RAB8B: variants seen among roughly 807,000 people sequenced by gnomAD.
RAB8B encodes the protein RAB8B, member RAS oncogene family.
In RAB8B, 11 loss-of-function variants were observed where a neutral mutation model predicts 32.0. The observed-to-expected ratio is 0.34, with a 90% CI of 0.22 to 0.57. The LOEUF is 0.57. RAB8B is among the 20% of genes least tolerant of loss of function. RAB8B has a pLI of 0.86. For missense variants in RAB8B, 190 were observed against 258.5 expected (o/e 0.73, Z 1.82); for synonymous variants, 103 against 89.6 (o/e 1.15, Z -0.85).
intron 1 of RAB8B, among the ~76,000 whole-genome samples, chr15:63,235,068 T>C (rs1567016642): frequency 2.0e-5 from 3 of 152,188 alleles, no homozygotes; most frequent in Non-Finnish European, 4.4e-5. Context: ...GATCCAGTAT[T>C]AGTTACCTGG....
intron 3 of RAB8B, among the ~76,000 whole-genome samples, chr15:63,252,661 CTT>C (rs1229645398): frequency 6.6e-6 from 1 of 151,936 alleles, no homozygotes; most frequent in Admixed American, 6.6e-5. Flanking sequence ...GCAGAATCCA[CTT>C]TGAATTGTTT....
At chr15:63,229,723 G>T (rs2037918722) in intron 1 of RAB8B, among the ~76,000 whole-genome samples, 3 of 138,522 alleles carry the variant, frequency 2.2e-5, no homozygotes, top group Admixed American at 7.6e-5. Context: ...AGAGGTTGCA[G>T]TGAGCCGAGA....
intron 1 of RAB8B, among the ~76,000 whole-genome samples, chr15:63,219,018 T>A (rs2037818882): frequency 1.4e-5 from 2 of 144,198 alleles, no homozygotes; most frequent in Admixed American, 6.9e-5. Flanking sequence ...TTTTTTTTTT[T>A]TTTTTTTTTT....
At chr15:63,229,270 C>T (rs76833111) in intron 1 of RAB8B, among the ~76,000 whole-genome samples, 2,830 of 152,278 alleles carry the variant, frequency 0.019, 36 homozygotes, top group Middle Eastern at 0.045. Context: ...CTTTTGGTTG[C>T]TCACTCCCAG....
chr15:63,236,613 TA>T lies in RAB8B; in HGVS notation c.125-8134del, dbSNP rs199538840. On this transcript the variant is annotated intron_variant, in intron 1 of 7. Coordinates refer to ENST00000321437, the MANE Select transcript of RAB8B (RefSeq NM_016530.3). ...GACTTTTGAAATACAAAAAGTCTTTTAAAAAAAAATTGTGGGTACATAGTAG... is the reference window on the plus strand; with the variant it reads ...GACTTTTGAAATACAAAAAGTCTTTTAAAAAAAATTGTGGGTACATAGTAG... Among the ~76,000 whole-genome samples, 509 of 151,650 alleles carry T rather than the reference TA, an allele frequency of 3.4e-3. 6 individuals are homozygous for T. The highest frequency in any genetic ancestry group is 0.016 in the East Asian group (85 of 5,156).
chr15:63,211,401 AC>A (rs1439906866), intron 1 of RAB8B, among the ~76,000 whole-genome samples: 1 of 152,144 alleles, frequency 6.6e-6, no homozygotes, highest in African/African-American at 2.4e-5. Context: ...ACTGTGTTCT[AC>A]CCCAGACTAT....
At chr15:63,229,830 A>G (rs141303809) in intron 1 of RAB8B, among the ~76,000 whole-genome samples, 2 of 151,168 alleles carry the variant, frequency 1.3e-5, no homozygotes, top group African/African-American at 2.4e-5. Flanking sequence ...CCAAGGAAGT[A>G]ATAGAGGACA....
At chr15:63,193,537 C>T (rs976817350) in intron 1 of RAB8B, among the ~76,000 whole-genome samples, 3 of 152,138 alleles carry the variant, frequency 2.0e-5, no homozygotes, top group Non-Finnish European at 2.9e-5. Flanking sequence ...ATTGGCCAAG[C>T]GCAGTGGCTC....
At chr15:63,230,797 A>G (rs1455713752) in intron 1 of RAB8B, among the ~76,000 whole-genome samples, 1 of 152,114 alleles carries the variant, frequency 6.6e-6, no homozygotes, top group Non-Finnish European at 1.5e-5. Context: ...CTAGGCTCAA[A>G]TGATCCTCCT....
At chr15:63,223,058 G>A in intron 1 of RAB8B, 1 of 455,902 alleles carries the variant, frequency 2.2e-6, no homozygotes, top group South Asian at 1.5e-5. Flanking sequence ...TTCCAGTCCT[G>A]TAAGCGCCTT....
At chr15:63,192,344 T>A (rs972868772) in intron 1 of RAB8B, among the ~76,000 whole-genome samples, 3 of 152,162 alleles carry the variant, frequency 2.0e-5, no homozygotes, top group Non-Finnish European at 2.9e-5. Context: ...AGATTTTGAG[T>A]GTTGACATCT....
chr15:63,202,804 A>G (rs1199042210), intron 1 of RAB8B, among the ~76,000 whole-genome samples: 1 of 152,198 alleles, frequency 6.6e-6, no homozygotes, highest in East Asian at 1.9e-4. Context: ...TTCCTCGCAG[A>G]CACAGTAGCA....
rs2038224526 is a variant in RAB8B, at chr15:63,264,252, G to A, written c.*633G>A. 1 of 152,056 alleles carries A rather than the reference G, an allele frequency of 6.6e-6. No individual in the cohort carries two copies. The highest frequency in any genetic ancestry group is 6.5e-5 in the Admixed American group (1 of 15,268). 9.4% of individuals were successfully genotyped at this position (152,056 alleles called of 1,614,324 possible). On this transcript the variant is annotated 3_prime_UTR_variant, in exon 8 of 8. Transcript: ENST00000321437. ...TCCCCGACCTGTTTTCCAGAGTCTG[G>A]GTAGCTGAATGAATCACTTTAAAAT...
intron 1 of RAB8B, 51 bp from the exon 2 acceptor site, chr15:63,244,705 T>C: frequency 7.1e-7 from 1 of 1,417,942 alleles, no homozygotes; most frequent in Non-Finnish European, 9.8e-7. Flanking sequence ...CTAATGAGAC[T>C]TGGATTATAT....
At position 63,259,818 on chromosome 15, in the gene RAB8B, T is replaced by C. The variant is rs567590107; in HGVS notation, c.480+126T>C. ...ATGCCTTTTGTTGACCCAACTCTAC[T>C]TTGTACACTTTTGTGCTTCTGATTT... is the stretch of plus-strand genomic sequence containing the variant. On this transcript the variant is annotated intron_variant, in intron 6 of 7. Coordinates refer to ENST00000321437, the MANE Select transcript of RAB8B (RefSeq NM_016530.3). This position sits in a 1 kb window ranked among gnomAD's most constrained non-coding sequence, Gnocchi z 4.4. The C allele has an allele frequency of 1.3e-6, 1 of 779,956 alleles. No individual in the cohort carries two copies. Among genetic ancestry groups the C allele is most frequent in the Admixed American group, 2.9e-5 (1 of 34,922 alleles). 48.3% of individuals were successfully genotyped at this position (779,956 alleles called of 1,614,324 possible).
intron 1 of RAB8B, among the ~76,000 whole-genome samples, chr15:63,210,926 C>T (rs1294674208): frequency 1.3e-5 from 2 of 152,224 alleles, no homozygotes; most frequent in African/African-American, 4.8e-5. Context: ...TTTCTATCAG[C>T]ATACTCGAGA....
At position 63,257,798 on chromosome 15, in the gene RAB8B, T is replaced by A. The variant is rs570885612; in HGVS notation, c.414+1204T>A. Among the ~76,000 whole-genome samples, 16 of 151,724 alleles carry A rather than the reference T, an allele frequency of 1.1e-4. 2 individuals carry two copies. The highest frequency in any genetic ancestry group is 3.9e-4 in the African/African-American group (16 of 41,458). Reference sequence around the variant, plus strand: ...AATTAAGGCCTGGCGCAGTGGCTCATACCTGTCATCCCAGCACTTTGGGAG... The same window carrying A: ...AATTAAGGCCTGGCGCAGTGGCTCAAACCTGTCATCCCAGCACTTTGGGAG... On this transcript the variant is annotated intron_variant, in intron 5 of 7. Coordinates refer to ENST00000321437, the MANE Select transcript of RAB8B (RefSeq NM_016530.3).
At chr15:63,250,614 T>C (rs949252854) in intron 3 of RAB8B, among the ~76,000 whole-genome samples, 3 of 152,002 alleles carry the variant, frequency 2.0e-5, no homozygotes, top group Non-Finnish European at 4.4e-5. Flanking sequence ...CTGGGCAGTG[T>C]GATGCTGGGA....
intron 1 of RAB8B, among the ~76,000 whole-genome samples, chr15:63,213,396 G>C (rs1429270052): frequency 6.6e-6 from 1 of 152,096 alleles, no homozygotes; most frequent in Non-Finnish European, 1.5e-5. Context: ...ATGGTTTTCT[G>C]TATAGTGCCA....
Sources: allele counts gnomAD v4.1 joint callset (sites outside exome capture counted in the v4.1 genomes callset), GRCh38; gene constraint gnomAD v4.1.1; non-coding constraint Gnocchi (gnomAD v3.1); transcripts MANE v1.5; gene names NCBI Gene and HGNC (gene_info 2026-07-23, HGNC 2026-07-21).